The following PTK2 variants were observed in gnomAD, a reference collection of about 807,000 sequenced individuals.
The protein encoded by PTK2 is protein tyrosine kinase 2, also known as focal adhesion kinase 1.
PTK2 carries 45 observed loss-of-function variants against 150.1 expected under a neutral mutation model. The observed-to-expected ratio is 0.30, with a 90% confidence interval of 0.24 to 0.38. The LOEUF (loss-of-function observed/expected upper bound fraction) is 0.38. PTK2 is among the 10% of genes least tolerant of loss of function. PTK2 has a pLI of 1.00. For missense variants in PTK2, 919 were observed against 1,307.3 expected, an observed-to-expected ratio of 0.70 and a Z score of 4.58; for synonymous variants, 432 against 449.2, an observed-to-expected ratio of 0.96 and a Z score of 0.48.
At chr8:140,972,286 A>T (rs2154609665) in intron 1 of PTK2, among the ~76,000 whole-genome samples, 1 of 152,080 alleles carries the variant, frequency 6.6e-6, no homozygotes, top group South Asian at 2.1e-4. Flanking sequence ...TTTTTTTTAG[A>T]TGGAGTCTCA....
chr8:140,681,123 G>C (rs1438599518), intron 27 of PTK2, among the ~76,000 whole-genome samples: 1 of 152,078 alleles, frequency 6.6e-6, no homozygotes, highest in African/African-American at 2.4e-5. Flanking sequence ...CCAGCACTTT[G>C]GGAGGCCAAG....
At chr8:140,937,717 T>C (rs1309876154) in intron 1 of PTK2, among the ~76,000 whole-genome samples, 2 of 152,058 alleles carry the variant, frequency 1.3e-5, no homozygotes, top group Non-Finnish European at 2.9e-5. Context: ...ATACATCAAA[T>C]ACATTTACAT....
At chr8:140,883,242 G>A (rs2100150264) in intron 3 of PTK2, among the ~76,000 whole-genome samples, 2 of 152,112 alleles carry the variant, frequency 1.3e-5, no homozygotes, top group Admixed American at 1.3e-4. Flanking sequence ...CATGCATGAT[G>A]CTAGTGACAC....
chr8:140,824,847 A>G (rs1405621952), intron 8 of PTK2, among the ~76,000 whole-genome samples: 1 of 152,250 alleles, frequency 6.6e-6, no homozygotes, highest in Non-Finnish European at 1.5e-5. Context: ...CAAGGCATCT[A>G]CGCACACTAT....
At chr8:140,782,501 G>A (rs2100082391) in intron 14 of PTK2, among the ~76,000 whole-genome samples, 1 of 152,136 alleles carries the variant, frequency 6.6e-6, no homozygotes, top group African/African-American at 2.4e-5. Context: ...GCCTTCCAAA[G>A]TGCTAGGACT....
At chr8:140,924,126 A>T (rs2100168561) in intron 2 of PTK2, among the ~76,000 whole-genome samples, 1 of 151,668 alleles carries the variant, frequency 6.6e-6, no homozygotes. Context: ...GCACAACCAC[A>T]CTGACCTCCT....
At chr8:140,695,057 G>A (rs2100025703) in intron 26 of PTK2, among the ~76,000 whole-genome samples, 2 of 152,218 alleles carry the variant, frequency 1.3e-5, no homozygotes, top group Admixed American at 1.3e-4. Context: ...ATATCCAGCT[G>A]CCTCCTCTGC....
At chr8:140,754,345 C>A (rs963491493) in intron 16 of PTK2, among the ~76,000 whole-genome samples, 2 of 152,208 alleles carry the variant, frequency 1.3e-5, no homozygotes, top group African/African-American at 4.8e-5. Context: ...AATATAACCA[C>A]TTTGCTTTGA....
intron 2 of PTK2, among the ~76,000 whole-genome samples, chr8:140,900,063 C>T (rs2100157824): frequency 6.6e-6 from 1 of 152,190 alleles, no homozygotes; most frequent in Non-Finnish European, 1.5e-5. Flanking sequence ...TGCCCACTCT[C>T]ACCACTTTTA....
At chr8:140,943,235 T>A (rs995263523) in intron 1 of PTK2, among the ~76,000 whole-genome samples, 2 of 152,180 alleles carry the variant, frequency 1.3e-5, no homozygotes, top group Non-Finnish European at 2.9e-5. Context: ...AGTGCCCCCA[T>A]GCTCTTTTAT....
At chr8:140,795,258 C>T (rs2100090889) in intron 12 of PTK2, among the ~76,000 whole-genome samples, 1 of 152,178 alleles carries the variant, frequency 6.6e-6, no homozygotes, top group African/African-American at 2.4e-5. Context: ...CTCCTCTCTT[C>T]ACACCCTCCA....
At chr8:140,977,754 A>C (rs2100189822) in intron 1 of PTK2, among the ~76,000 whole-genome samples, 9 of 152,204 alleles carry the variant, frequency 5.9e-5, no homozygotes, top group Admixed American at 5.2e-4. Flanking sequence ...ATCAAAACTT[A>C]GCCCTTGGAT....
chr8:140,954,444 C>T (rs2100180547), intron 1 of PTK2, among the ~76,000 whole-genome samples: 1 of 152,156 alleles, frequency 6.6e-6, no homozygotes, highest in Non-Finnish European at 1.5e-5. Context: ...GTAAACCTTG[C>T]TTATAAAGTT....
Position 140,764,227 on chromosome 8 carries a change from T to C in PTK2, c.1234+7A>G. ...CTGAGCAAGAACAAAATCAGAAGTT[T>C]ACTTACTTGAGGGCATGGTGTAAGT... On this transcript the variant is annotated splice_region_variant and intron_variant, in intron 15 of 31. Transcript: ENST00000522684. 1 of 1,604,692 alleles carries C rather than the reference T, an allele frequency of 6.2e-7. No homozygotes were observed. The highest frequency in any genetic ancestry group is 2.2e-5 in the East Asian group (1 of 44,794).
chr8:140,998,830 A>C (rs1209711786), intron 1 of PTK2, among the ~76,000 whole-genome samples: 1 of 152,112 alleles, frequency 6.6e-6, no homozygotes, highest in Non-Finnish European at 1.5e-5. Context: ...AAAAAAAAAA[A>C]AAAAAAACTA....
At chr8:140,811,517 T>A (rs2100101547) in intron 10 of PTK2, among the ~76,000 whole-genome samples, 3 of 152,160 alleles carry the variant, frequency 2.0e-5, no homozygotes, top group Admixed American at 2.0e-4. Context: ...CCTTCTTTCC[T>A]CTAAATGACC....
rs2100137434 is a variant in PTK2 at position 140,863,454 on chromosome 8, CCT to C, written c.450+856_450+857del. On this transcript the variant is annotated intron_variant, in intron 5 of 31. Transcript: ENST00000522684. ...ATATCTGCAGGAGAAAACCTAAACC[CCT>C]GTTTACATAATGTTTGTGGTCCCTC... is the stretch of plus-strand genomic sequence containing the variant. Among the ~76,000 whole-genome samples the C allele has an allele frequency of 2.6e-5, 4 of 152,264 alleles. 1 individual carries two copies. Among genetic ancestry groups the C allele is most frequent in the African/African-American group, 9.6e-5 (4 of 41,546 alleles).
At chr8:140,797,877 C>T (rs948313772) in intron 12 of PTK2, among the ~76,000 whole-genome samples, 3 of 151,960 alleles carry the variant, frequency 2.0e-5, no homozygotes, top group Non-Finnish European at 4.4e-5. Flanking sequence ...CCAGGATGGT[C>T]TCAGATTCCT....
chr8:140,988,386 G>A (rs1205312548), intron 1 of PTK2, among the ~76,000 whole-genome samples: 1 of 152,166 alleles, frequency 6.6e-6, no homozygotes, highest in Non-Finnish European at 1.5e-5. Context: ...TAATAACTTA[G>A]ACAGCTTAGT....
Sources: gnomAD v4.1 joint callset for allele counts (sites outside exome capture counted in the v4.1 genomes callset) on GRCh38, gnomAD v4.1.1 for gene constraint, MANE v1.5 for transcripts, NCBI Gene and HGNC (gene_info 2026-07-23, HGNC 2026-07-21) for gene names.